Variants in THSD7A observed in about 807,000 individuals in gnomAD.
THSD7A encodes the protein thrombospondin type-1 domain-containing protein 7A.
In THSD7A, 96 loss-of-function variants were observed where a neutral mutation model predicts 231.3. That is an observed-to-expected ratio of 0.41 (90% confidence interval 0.35 to 0.49). The LOEUF (loss-of-function observed/expected upper bound fraction) is 0.49, where lower values mean the gene tolerates loss of function less well. Among genes scored for constraint, THSD7A ranks in the 20% least tolerant of loss-of-function variants. The pLI is 0.05. For synonymous variants in THSD7A, 940 were observed against 743.3 expected, an observed-to-expected ratio of 1.26 and a Z score of -4.30; for missense variants, 2,290 against 2,070.2, an observed-to-expected ratio of 1.11 and a Z score of -2.06.
In THSD7A at chr7:11,574,864, C is replaced by T. The variant is rs551629683; in HGVS notation, c.1453+15596G>A. On this transcript the variant is annotated intron_variant, in intron 4 of 27. Transcript: ENST00000423059. ...AGGCACATTTTCTAAAACCAATAAT[C>T]GTTTAGAGGTGAGATAGCTTTTCTC... Among the ~76,000 whole-genome samples, 40 of 152,196 alleles carry T rather than the reference C, an allele frequency of 2.6e-4. No individual in the cohort carries two copies. In the South Asian group the frequency reaches 7.5e-3, roughly 28 times the overall value.
chr7:11,823,845 TG>T (rs1338295073), intron 1 of THSD7A, among the ~76,000 whole-genome samples: 1 of 152,054 alleles, frequency 6.6e-6, no homozygotes, highest in Non-Finnish European at 1.5e-5. Context: ...AGGAACTACA[TG>T]CATGGAAACC....
rs1468867619 is a variant in THSD7A at position 11,453,640 on chromosome 7, A to G, written c.2606-6216T>C. 2.6e-5 allele frequency among the ~76,000 whole-genome samples: 4 copies of G among 152,174 alleles called. No homozygotes were observed. The Middle Eastern group carries it at 0.014, about 518-fold the overall frequency. On this transcript the variant is annotated intron_variant, in intron 11 of 27. Coordinates refer to ENST00000423059, the MANE Select transcript of THSD7A (RefSeq NM_015204.3). ...TTAACTCTAGTTCCATCTAATCTAC[A>G]GCAAGTACACTTGGCATGATTATCA...
chr7:11,406,596 C>G lies in THSD7A; in HGVS notation c.4063-122G>C. 1 of 1,146,814 alleles carries G rather than the reference C, an allele frequency of 8.7e-7. No homozygotes were observed. Among genetic ancestry groups the G allele is most frequent in the Non-Finnish European group, 1.2e-6 (1 of 832,044 alleles). 71.0% of individuals were successfully genotyped at this position (1,146,814 alleles called of 1,614,324 possible). A position where few individuals can be genotyped will look rare whatever the true frequency, so the allele number is the denominator to read the frequency against. On this transcript the variant is annotated intron_variant, in intron 21 of 27. Coordinates refer to ENST00000423059, the MANE Select transcript of THSD7A (RefSeq NM_015204.3). This position sits in a 1 kb window ranked among gnomAD's most constrained non-coding sequence, Gnocchi z 4.7. The stretch of plus-strand genomic sequence containing the variant: ...GAACATTTAGAGAAGGATTTGAAAC[C>G]CTAGGGAAGAAGCCCTATAGGGCAC...
chr7:11,687,827 TCTCAA>T (rs1379844396), intron 1 of THSD7A, among the ~76,000 whole-genome samples: 1 of 151,846 alleles, frequency 6.6e-6, no homozygotes, highest in African/African-American at 2.4e-5. Context: ...CGGGAGAGCT[TCTCAA>T]CTCTGCTGTC....
intron 1 of THSD7A, among the ~76,000 whole-genome samples, chr7:11,768,560 T>C (rs10499401): frequency 0.039 from 6,010 of 152,190 alleles, 146 homozygotes; most frequent in East Asian, 0.14. Flanking sequence ...TAATTAGCGA[T>C]GGGTATGGTC....
Position 11,510,868 on chromosome 7 carries a change from T to C in THSD7A, c.1823-28886A>G, listed in dbSNP as rs572121385. ...AACTGGAAGCATTCCCTTTGAAAAC[T>C]GGCACAAGACAGGGATGCCCTCTCT... On this transcript the variant is annotated intron_variant, in intron 6 of 27. Coordinates refer to ENST00000423059, the MANE Select transcript of THSD7A (RefSeq NM_015204.3). 2.0e-5 allele frequency among the ~76,000 whole-genome samples: 3 copies of C among 152,202 alleles called. 1 individual carries two copies. The highest frequency in any genetic ancestry group is 7.2e-5 in the African/African-American group (3 of 41,536).
intron 22 of THSD7A, among the ~76,000 whole-genome samples, chr7:11,402,605 A>T (rs1783444919): frequency 6.6e-6 from 1 of 152,218 alleles, no homozygotes; most frequent in Non-Finnish European, 1.5e-5. Flanking sequence ...ATAGATGCAC[A>T]GATGATAGCT....
intron 20 of THSD7A, 36 bp from the exon 21 acceptor site, chr7:11,407,091 T>C: frequency 1.9e-6 from 3 of 1,609,516 alleles, no homozygotes; most frequent in Non-Finnish European, 2.5e-6. Flanking sequence ...CTTTAATATA[T>C]GTTATGGTTT....
chr7:11,503,785 C>T (rs1787434993), intron 6 of THSD7A, among the ~76,000 whole-genome samples: 1 of 152,094 alleles, frequency 6.6e-6, no homozygotes, highest in Admixed American at 6.6e-5. Flanking sequence ...GTCAGAATGA[C>T]TATTATTAAA....
rs7781674 is a variant in THSD7A at position 11,379,357 on chromosome 7, G to C, written c.4591-77C>G. On this transcript the variant is annotated intron_variant, in intron 25 of 27. Coordinates refer to ENST00000423059, the MANE Select transcript of THSD7A (RefSeq NM_015204.3). ...TCTAACAGACCTGACTTGAAGAGAAGGCTTTAAACAAGGTTTGTTTTGGGA... is the reference window on the plus strand; with the variant it reads ...TCTAACAGACCTGACTTGAAGAGAACGCTTTAAACAAGGTTTGTTTTGGGA... 6.7e-3 allele frequency: 9,585 copies of C among 1,429,264 alleles called. 552 individuals are homozygous for C. The African/African-American group carries it at 0.12, about 18-fold the overall frequency. The allele number at this position is 1,429,264 out of a possible 1,614,324, so 88.5% of individuals were successfully genotyped here. A position where few individuals can be genotyped will look rare whatever the true frequency, so the allele number is the denominator to read the frequency against.
At chr7:11,395,815 C>T (rs987833897) in intron 23 of THSD7A, among the ~76,000 whole-genome samples, 10 of 152,112 alleles carry the variant, frequency 6.6e-5, no homozygotes, top group Non-Finnish European at 8.8e-5. Context: ...CATGAGCCAC[C>T]GTGCCCGGCC....
At chr7:11,777,300 A>G (rs778397790) in intron 1 of THSD7A, among the ~76,000 whole-genome samples, 9 of 152,130 alleles carry the variant, frequency 5.9e-5, no homozygotes, top group Non-Finnish European at 1.0e-4. Context: ...GATAATGCTC[A>G]CATATTAAAC....
chr7:11,402,674 C>T (rs1454427848), intron 22 of THSD7A, among the ~76,000 whole-genome samples: 3 of 152,150 alleles, frequency 2.0e-5, no homozygotes, highest in Non-Finnish European at 4.4e-5. Context: ...AGGAACAGAA[C>T]ATTCCCAGGA....
chr7:11,383,180 T>C (rs999897216), intron 23 of THSD7A, among the ~76,000 whole-genome samples: 4 of 151,796 alleles, frequency 2.6e-5, no homozygotes, highest in African/African-American at 9.7e-5. Flanking sequence ...AAATGATATA[T>C]GGTATTACTT....
intron 6 of THSD7A, among the ~76,000 whole-genome samples, chr7:11,490,286 T>G (rs1223172776): frequency 6.6e-6 from 1 of 152,094 alleles, no homozygotes; most frequent in Non-Finnish European, 1.5e-5. Context: ...ATGATGAAAA[T>G]TTAGGGCTAA....
chr7:11,732,097 T>C (rs1781755455), intron 1 of THSD7A, among the ~76,000 whole-genome samples: 2 of 151,712 alleles, frequency 1.3e-5, no homozygotes, highest in East Asian at 3.9e-4. Context: ...AAAAGTTCCT[T>C]ACTGTGTAGA....
intron 19 of THSD7A, among the ~76,000 whole-genome samples, chr7:11,409,287 C>CTGTT (rs1265600857): frequency 3.9e-5 from 6 of 152,138 alleles, no homozygotes; most frequent in Non-Finnish European, 5.9e-5. Context: ...TTCTTTGTGG[C>CTGTT]TGTTAGGGAA....
At position 11,634,034 on chromosome 7, in the gene THSD7A, T is replaced by C. The variant is rs938336956; in HGVS notation, c.1022+2096A>G. Among the ~76,000 whole-genome samples, 4 of 152,302 alleles carry C rather than the reference T, an allele frequency of 2.6e-5. No individual in the cohort carries two copies. In the East Asian group the frequency reaches 7.7e-4, roughly 29 times the overall value. ...CTTCACTTTATTGGCTTCACTGATA[T>C]CATGGTATAATATCTGAGCAAAACG... On this transcript the variant is annotated intron_variant, in intron 2 of 27. Coordinates refer to ENST00000423059, the MANE Select transcript of THSD7A (RefSeq NM_015204.3). The surrounding 1 kb of genome is among the most constrained non-coding windows in gnomAD (Gnocchi z 4.1).
chr7:11,635,609 T>C (rs1438357913), intron 2 of THSD7A, among the ~76,000 whole-genome samples: 1 of 152,192 alleles, frequency 6.6e-6, no homozygotes, highest in Non-Finnish European at 1.5e-5. Context: ...TGCTGTTTCC[T>C]TCTCTGGAGG....
Sources: gnomAD v4.1 joint callset for allele counts (sites outside exome capture counted in the v4.1 genomes callset) on GRCh38, gnomAD v4.1.1 for gene constraint, Gnocchi (gnomAD v3.1) non-coding constraint, MANE v1.5 for transcripts, NCBI Gene and HGNC (gene_info 2026-07-23, HGNC 2026-07-21) for gene names.